CYLD: variants seen among roughly 807,000 people sequenced by gnomAD.
CYLD encodes ubiquitin carboxyl-terminal hydrolase CYLD.
In CYLD, 26 loss-of-function variants were observed where a neutral mutation model predicts 104.5. The observed-to-expected ratio is 0.25, with a 90% CI of 0.18 to 0.35. CYLD has a LOEUF of 0.35. CYLD is among the 10% of genes least tolerant of loss of function. CYLD has a pLI of 1.00. For missense variants in CYLD, 703 were observed against 1,136.1 expected, an observed-to-expected ratio of 0.62 and a Z score of 5.48; for synonymous variants, 385 against 399.9, an observed-to-expected ratio of 0.96 and a Z score of 0.45.
intron 11 of CYLD, chr16:50,784,062 C>T (rs753056900): frequency 2.1e-5 from 8 of 384,944 alleles, no homozygotes; most frequent in Middle Eastern, 8.2e-4. Context: ...TCTGTTGGCA[C>T]GTTGTTATCC....
intron 17 of CYLD, among the ~76,000 whole-genome samples, chr16:50,793,920 A>T (rs1157662025): frequency 1.1e-4 from 14 of 131,040 alleles, no homozygotes; most frequent in African/African-American, 1.7e-4. Context: ...CATTAATGAC[A>T]TTTTTTTTTT....
Position 50,801,240 on chromosome 16 carries a change from T to G in CYLD, c.*4732T>G. The G allele has an allele frequency of 4.3e-6, 1 of 233,416 alleles. No homozygotes were observed. Among genetic ancestry groups the G allele is most frequent in the Non-Finnish European group, 8.5e-6 (1 of 118,046 alleles). 14.5% of individuals were successfully genotyped at this position (233,416 alleles called of 1,614,324 possible). A position where few individuals can be genotyped will look rare whatever the true frequency, so the allele number is the denominator to read the frequency against. ...AGTGTGGCCAAGGATAATGAAAAAGTGGGAAAGGAAGGTCCTCCTCCTCCC... is the reference window on the plus strand; with the variant it reads ...AGTGTGGCCAAGGATAATGAAAAAGGGGGAAAGGAAGGTCCTCCTCCTCCC... On this transcript the variant is annotated 3_prime_UTR_variant, in exon 19 of 19. Coordinates refer to ENST00000427738, the MANE Select transcript of CYLD (RefSeq NM_001378743.1).
chr16:50,790,389 C>T (rs1971307546), intron 14 of CYLD, among the ~76,000 whole-genome samples: 2 of 152,162 alleles, frequency 1.3e-5, no homozygotes, highest in African/African-American at 4.8e-5. Context: ...TCCCCTGCTG[C>T]CATTATTATG....
chr16:50,779,902 C>A lies in CYLD; in HGVS notation c.1376C>A (p.Pro459His), dbSNP rs2150991420. The A allele has an allele frequency of 6.2e-7, 1 of 1,614,056 alleles. No individual in the cohort carries two copies. The highest frequency in any genetic ancestry group is 8.5e-7 in the Non-Finnish European group (1 of 1,179,952). The change falls in exon 9 of 19, where the codon CCC (proline) becomes CAC (histidine). Residue 459 changes from proline (P) to histidine (H), a missense_variant. Pro to His is a moderately conservative substitution (Grantham distance 77). Around this residue, in one of 5 missense-constraint regions of CYLD, gnomAD observed 183 missense variants for 212.1 expected, o/e 0.86. Transcript: ENST00000427738. ...LNTAPVQESP[P>H]LAMPPGNSHG... Reference sequence around the variant, plus strand: ...ACTGCACCCGTCCAAGAGAGTCCACCCTTGGCCATGCCTCCTGGGAACTCA... The same window carrying A: ...ACTGCACCCGTCCAAGAGAGTCCACACTTGGCCATGCCTCCTGGGAACTCA...
At position 50,797,865 on chromosome 16, in the gene CYLD, G is replaced by T. The variant is rs535156455; in HGVS notation, c.*1357G>T. 1.2e-4 allele frequency: 27 copies of T among 232,364 alleles called. No individual in the cohort carries two copies. The highest frequency in any genetic ancestry group is 6.2e-4 in the Admixed American group (11 of 17,776). 14.4% of individuals were successfully genotyped at this position (232,364 alleles called of 1,614,324 possible). A position where few individuals can be genotyped will look rare whatever the true frequency, so the allele number is the denominator to read the frequency against. Reference sequence around the variant, plus strand: ...CTCTTTGGTTTTATCATTCCATTTTGCTAATATTTACTAGCTTTATAAATT... The same window carrying T: ...CTCTTTGGTTTTATCATTCCATTTTTCTAATATTTACTAGCTTTATAAATT... On this transcript the variant is annotated 3_prime_UTR_variant, in exon 19 of 19. Coordinates refer to ENST00000427738, the MANE Select transcript of CYLD (RefSeq NM_001378743.1).
chr16:50,792,832 C>A, intron 16 of CYLD, 127 bp downstream of exon 16: 1 of 591,860 alleles, frequency 1.7e-6, no homozygotes, highest in East Asian at 3.0e-5. Context: ...TCTGAAGAGC[C>A]TGGAAATATG....
intron 14 of CYLD, among the ~76,000 whole-genome samples, chr16:50,789,052 G>A (rs974491039): frequency 5.9e-5 from 9 of 152,104 alleles, no homozygotes; most frequent in African/African-American, 9.7e-5. Context: ...AATGAAGTGG[G>A]AAAAAATCTT....
At position 50,794,612 on chromosome 16, in the gene CYLD, A is replaced by G. The variant is rs1204620752; in HGVS notation, c.2686+184A>G. The G allele has an allele frequency of 1.9e-5, 12 of 633,056 alleles. No individual in the cohort carries two copies. In the Admixed American group the frequency reaches 2.8e-4, roughly 15 times the overall value. The allele number at this position is 633,056 out of a possible 1,614,324, so 39.2% of individuals were successfully genotyped here. On this transcript the variant is annotated intron_variant, in intron 18 of 18. Coordinates refer to ENST00000427738, the MANE Select transcript of CYLD (RefSeq NM_001378743.1). This position sits in a 1 kb window ranked among gnomAD's most constrained non-coding sequence, Gnocchi z 4.1. ...CTTGCTAGCTGAACTAAGGAATAATATGCTGTGTTTTTTTTTTTCCTTTTT... is the reference window on the plus strand; with the variant it reads ...CTTGCTAGCTGAACTAAGGAATAATGTGCTGTGTTTTTTTTTTTCCTTTTT...
intron 5 of CYLD, among the ~76,000 whole-genome samples, chr16:50,774,744 AC>A (rs1450660438): frequency 6.6e-6 from 1 of 152,190 alleles, no homozygotes; most frequent in Non-Finnish European, 1.5e-5. Flanking sequence ...CTTAAAACTT[AC>A]GAATTGTCTG....
rs369501676 is a variant in CYLD at position 50,775,579 on chromosome 16, C to T, written c.922+405C>T. ...TTCTTTCCTAACCATGATACATATT[C>T]CTAACCAGGCTTTTTTCAAACTGTG... On this transcript the variant is annotated intron_variant, in intron 6 of 18. Transcript: ENST00000427738. Among the ~76,000 whole-genome samples the T allele has an allele frequency of 7.9e-5, 12 of 152,230 alleles. No individual in the cohort carries two copies. The East Asian group carries it at 2.3e-3, about 29-fold the overall frequency.
At chr16:50,770,599 C>T (rs7500289) in intron 5 of CYLD, among the ~76,000 whole-genome samples, 15,580 of 151,516 alleles carry the variant, frequency 0.1, 2,601 homozygotes, top group African/African-American at 0.36. Flanking sequence ...TACAGGTGTG[C>T]GCCCCCGAGC....
rs1965798136 is a variant in CYLD at position 50,742,597 on chromosome 16, G to A, written c.-203-165G>A. ...AGACTGAGGCACAGGCCGCTGGCGG[G>A]CCCCGACGGCCACGGTTGGCCTCAG... On this transcript the variant is annotated intron_variant, in intron 1 of 18. Transcript: ENST00000427738. The A allele has an allele frequency of 1.0e-5, 4 of 386,506 alleles. No individual in the cohort carries two copies. In the South Asian group the frequency reaches 4.4e-4, roughly 42 times the overall value. 23.9% of individuals were successfully genotyped at this position (386,506 alleles called of 1,614,324 possible).
At chr16:50,763,284 GT>G (rs891732744) in intron 5 of CYLD, among the ~76,000 whole-genome samples, 5 of 151,120 alleles carry the variant, frequency 3.3e-5, no homozygotes, top group Admixed American at 6.6e-5. Context: ...AGATATTTAG[GT>G]TTTTTTTTCA....
chr16:50,780,876 A>G (rs538822401), intron 9 of CYLD, among the ~76,000 whole-genome samples: 36 of 149,366 alleles, frequency 2.4e-4, no homozygotes, highest in Non-Finnish European at 3.1e-4. Context: ...AGTGAATACT[A>G]TCTTATGGGG....
At chr16:50,785,703 A>C (rs774726123) in intron 12 of CYLD, 36 of 152,326 alleles carry the variant, frequency 2.4e-4, no homozygotes, top group South Asian at 1.0e-3. Flanking sequence ...TGTCCACGGT[A>C]AGAAACTGGT....
At chr16:50,760,445 A>G (rs968520629) in intron 5 of CYLD, among the ~76,000 whole-genome samples, 1 of 152,100 alleles carries the variant, frequency 6.6e-6, no homozygotes, top group South Asian at 2.1e-4. Context: ...TTCGTTTCTC[A>G]CTAGTCACAG....
chr16:50,775,782 T>C (rs1430047966), intron 6 of CYLD, among the ~76,000 whole-genome samples: 2 of 152,186 alleles, frequency 1.3e-5, no homozygotes, highest in Non-Finnish European at 2.9e-5. Flanking sequence ...CAAGAAATAT[T>C]TGAGTTCGAA....
At chr16:50,789,313 T>G (rs1396739260) in intron 14 of CYLD, among the ~76,000 whole-genome samples, 2 of 152,150 alleles carry the variant, frequency 1.3e-5, no homozygotes, top group Non-Finnish European at 2.9e-5. Context: ...GAGAAAAAAG[T>G]CAATTTGGTT....
chr16:50,755,182 T>C (rs1567427501), intron 5 of CYLD, among the ~76,000 whole-genome samples: 1 of 145,094 alleles, frequency 6.9e-6, no homozygotes, highest in Non-Finnish European at 1.5e-5. Flanking sequence ...TGTGTGTGTA[T>C]ATACACACGT....
Sources: gnomAD v4.1 joint callset for allele counts (sites outside exome capture counted in the v4.1 genomes callset) on GRCh38, gnomAD v4.1.1 for gene constraint, gnomAD v4.1.1 regional missense constraint, Gnocchi (gnomAD v3.1) non-coding constraint, MANE v1.5 for transcripts, NCBI Gene and HGNC (gene_info 2026-07-23, HGNC 2026-07-21) for gene names.